CAMTA1: variants seen among roughly 807,000 people sequenced by gnomAD.
The protein encoded by CAMTA1 is calmodulin-binding transcription activator 1.
CAMTA1 carries 27 observed loss-of-function variants against 170.9 expected under a neutral mutation model. The observed-to-expected ratio is 0.16, with a 90% confidence interval of 0.12 to 0.22. The LOEUF (loss-of-function observed/expected upper bound fraction) is 0.22, where lower values mean the gene tolerates loss of function less well. CAMTA1 is among the 10% of genes least tolerant of loss of function. The pLI, the probability that CAMTA1 is intolerant of heterozygous loss-of-function variation, is 1.00. For missense variants in CAMTA1, 1,619 were observed against 2,217.2 expected, an observed-to-expected ratio of 0.73 and a Z score of 5.42; for synonymous variants, 833 against 891.5, an observed-to-expected ratio of 0.93 and a Z score of 1.17.
intron 16 of CAMTA1, among the ~76,000 whole-genome samples, chr1:7,743,230 T>G (rs918017233): frequency 6.6e-6 from 1 of 152,166 alleles, no homozygotes; most frequent in Admixed American, 6.5e-5. Flanking sequence ...ATTTATAAAA[T>G]TATCCACAAT....
intron 5 of CAMTA1, among the ~76,000 whole-genome samples, chr1:7,381,010 G>T (rs1326919670): frequency 6.6e-6 from 1 of 152,168 alleles, no homozygotes; most frequent in African/African-American, 2.4e-5. Context: ...AAGATAAGCT[G>T]CTTTCTAAAG....
chr1:7,565,896 C>T lies in CAMTA1; in HGVS notation c.511-74504C>T, dbSNP rs1024615624. ...ACTCCCTTCCTGGCTTGCAGACAGCCGCCTTCTCGCTGTGTCCTCACATAG... is the reference window on the plus strand; with the variant it reads ...ACTCCCTTCCTGGCTTGCAGACAGCTGCCTTCTCGCTGTGTCCTCACATAG... On this transcript the variant is annotated intron_variant, in intron 6 of 22. Coordinates refer to ENST00000303635, the MANE Select transcript of CAMTA1 (RefSeq NM_015215.4). The surrounding 1 kb of genome is among the most constrained non-coding windows in gnomAD (Gnocchi z 4.5). 1.1e-4 allele frequency among the ~76,000 whole-genome samples: 16 copies of T among 151,888 alleles called. No individual in the cohort carries two copies. The highest frequency in any genetic ancestry group is 1.7e-4 in the African/African-American group (7 of 41,252).
intron 5 of CAMTA1, among the ~76,000 whole-genome samples, chr1:7,450,948 C>A (rs566420522): frequency 2.0e-5 from 3 of 152,308 alleles, no homozygotes; most frequent in African/African-American, 7.2e-5. Flanking sequence ...GGCTGCAGGA[C>A]AATCTGTTAT....
chr1:7,497,591 C>T (rs1173208071), intron 6 of CAMTA1, among the ~76,000 whole-genome samples: 6 of 152,214 alleles, frequency 3.9e-5, no homozygotes, highest in African/African-American at 1.2e-4. Flanking sequence ...AAATCTCTCA[C>T]GTCACATTGC....
intron 21 of CAMTA1, 108 bp from the exon 22 acceptor site, chr1:7,755,530 A>C (rs2096925989): frequency 2.2e-6 from 2 of 907,072 alleles, no homozygotes; most frequent in South Asian, 2.9e-5. Flanking sequence ...TTCTTTCCAA[A>C]AAAGAAACCA....
intron 6 of CAMTA1, among the ~76,000 whole-genome samples, chr1:7,545,414 G>T (rs779751090): frequency 6.6e-6 from 1 of 152,200 alleles, no homozygotes; most frequent in Non-Finnish European, 1.5e-5. Flanking sequence ...ACATTTTACC[G>T]ATTGTTCCAA....
intron 4 of CAMTA1, among the ~76,000 whole-genome samples, chr1:7,114,222 T>G (rs1002172610): frequency 3.3e-5 from 5 of 151,806 alleles, no homozygotes; most frequent in Non-Finnish European, 5.9e-5. Context: ...GTGGCAGCAG[T>G]GGGAGGGAAG....
chr1:7,495,108 C>A (rs1177151480), intron 6 of CAMTA1, among the ~76,000 whole-genome samples: 1 of 152,134 alleles, frequency 6.6e-6, no homozygotes, highest in Non-Finnish European at 1.5e-5. Context: ...AACTCAGGCT[C>A]TTGTTTGGTA....
At chr1:7,436,219 C>T (rs907971965) in intron 5 of CAMTA1, among the ~76,000 whole-genome samples, 1 of 152,192 alleles carries the variant, frequency 6.6e-6, no homozygotes, top group African/African-American at 2.4e-5. Flanking sequence ...AGAAGAGGCT[C>T]ATGGGAAGAG....
chr1:7,737,201 G>C, intron 14 of CAMTA1, 54 bp from the exon 15 acceptor site: 1 of 1,565,358 alleles, frequency 6.4e-7, no homozygotes, highest in Admixed American at 1.7e-5. Flanking sequence ...GCAAAAGTCA[G>C]GTCTGGTCTT....
At chr1:7,134,758 A>G (rs553031042) in intron 4 of CAMTA1, among the ~76,000 whole-genome samples, 1 of 152,308 alleles carries the variant, frequency 6.6e-6, no homozygotes, top group Non-Finnish European at 1.5e-5. Flanking sequence ...ATGCAATTAT[A>G]TGTTCATGGG....
At chr1:7,564,533 G>T (rs566586843) in intron 6 of CAMTA1, among the ~76,000 whole-genome samples, 41 of 152,326 alleles carry the variant, frequency 2.7e-4, no homozygotes, top group African/African-American at 9.1e-4. Context: ...CACCAAAAAT[G>T]AGACACAGCA....
rs1351482066 is a variant in CAMTA1, at chr1:7,680,181, T to G, written c.2914+2448T>G. Reference sequence around the variant, plus strand: ...AGCCACGGGGCCTGGCCATGAACTTTGCGTCCGGGCCAATGCTGCAGTGGC... The same window carrying G: ...AGCCACGGGGCCTGGCCATGAACTTGGCGTCCGGGCCAATGCTGCAGTGGC... On this transcript the variant is annotated intron_variant, in intron 11 of 22. Coordinates refer to ENST00000303635, the MANE Select transcript of CAMTA1 (RefSeq NM_015215.4). This position sits in a 1 kb window ranked among gnomAD's most constrained non-coding sequence, Gnocchi z 4.4. 3.7e-6 allele frequency: 1 copy of G among 267,800 alleles called. No homozygotes were observed. Among genetic ancestry groups the G allele is most frequent in the Non-Finnish European group, 8.2e-6 (1 of 121,944 alleles). 16.6% of individuals were successfully genotyped at this position (267,800 alleles called of 1,614,324 possible). A position where few individuals can be genotyped will look rare whatever the true frequency, so the allele number is the denominator to read the frequency against.
intron 6 of CAMTA1, among the ~76,000 whole-genome samples, chr1:7,574,240 G>GCT (rs2095162519): frequency 6.6e-6 from 1 of 152,174 alleles, no homozygotes; most frequent in Non-Finnish European, 1.5e-5. Context: ...GGAGCTGGGA[G>GCT]CTGCGAGCTG....
intron 5 of CAMTA1, among the ~76,000 whole-genome samples, chr1:7,266,144 AGATT>A (rs1353947174): frequency 6.6e-6 from 1 of 152,238 alleles, no homozygotes; most frequent in Admixed American, 6.5e-5. Flanking sequence ...CAGATCCAGT[AGATT>A]GGCAAGAGAA....
intron 3 of CAMTA1, among the ~76,000 whole-genome samples, chr1:6,847,005 ATT>A (rs879327132): frequency 1.2e-4 from 17 of 144,298 alleles, no homozygotes; most frequent in Non-Finnish European, 1.1e-4. Flanking sequence ...TGAAGGATGG[ATT>A]TTTTTTTTTT....
intron 5 of CAMTA1, among the ~76,000 whole-genome samples, chr1:7,429,436 ATG>A (rs1233128770): frequency 6.6e-6 from 1 of 152,048 alleles, no homozygotes; most frequent in Non-Finnish European, 1.5e-5. Flanking sequence ...TATATCAATG[ATG>A]GTGATTATGG....
At position 7,065,318 on chromosome 1, in the gene CAMTA1, G is replaced by A. The variant is rs115530949; in HGVS notation, c.235-25986G>A. The stretch of plus-strand genomic sequence containing the variant: ...GGACAGCCCATGAGGTTTCCCAGAG[G>A]GCCTGGCCACTGAGAAGCTGAGATA... On this transcript the variant is annotated intron_variant, in intron 3 of 22. Transcript: ENST00000303635. The surrounding 1 kb of genome is among the most constrained non-coding windows in gnomAD (Gnocchi z 5.2). Among the ~76,000 whole-genome samples the A allele has an allele frequency of 0.012, 1,801 of 152,280 alleles. 30 individuals carry two copies. Among genetic ancestry groups the A allele is most frequent in the African/African-American group, 0.041 (1,683 of 41,548 alleles).
At chr1:6,980,289 T>C (rs1057092599) in intron 3 of CAMTA1, among the ~76,000 whole-genome samples, 4 of 152,086 alleles carry the variant, frequency 2.6e-5, no homozygotes, top group African/African-American at 4.8e-5. Flanking sequence ...ATCCTCTGTC[T>C]CCCTCCTTAG....
Sources: gnomAD v4.1 joint callset for allele counts (sites outside exome capture counted in the v4.1 genomes callset) on GRCh38, gnomAD v4.1.1 for gene constraint, Gnocchi (gnomAD v3.1) non-coding constraint, MANE v1.5 for transcripts, NCBI Gene and HGNC (gene_info 2026-07-23, HGNC 2026-07-21) for gene names.